The following MDGA2 variants were observed in gnomAD, a reference collection of about 807,000 sequenced individuals.
MDGA2 encodes the protein MAM domain-containing glycosylphosphatidylinositol anchor protein 2.
A neutral mutation model predicts 117.8 loss-of-function variants in MDGA2; 40 were observed. That is an observed-to-expected ratio of 0.34 (90% CI 0.26 to 0.44). MDGA2 has a LOEUF of 0.44. Among genes scored for constraint, MDGA2 ranks in the 20% least tolerant of loss-of-function variants. MDGA2 has a pLI of 1.00. For synonymous variants in MDGA2, 452 were observed against 439.0 expected (o/e 1.03, Z -0.37); for missense variants, 1,123 against 1,250.6 (o/e 0.90, Z 1.54).
At chr14:46,889,749 C>A (rs1882808157) in intron 10 of MDGA2, among the ~76,000 whole-genome samples, 1 of 151,948 alleles carries the variant, frequency 6.6e-6, no homozygotes, top group Non-Finnish European at 1.5e-5. Flanking sequence ...AAAGAAATAC[C>A]AGGCCCCATT....
chr14:47,071,042 A>G (rs1028126801), intron 6 of MDGA2, among the ~76,000 whole-genome samples: 7 of 152,254 alleles, frequency 4.6e-5, no homozygotes, highest in Admixed American at 6.5e-5. Context: ...CAAGCATCCA[A>G]TGTAATTTTT....
At chr14:47,476,650 T>TTA (rs1329509615) in intron 1 of MDGA2, among the ~76,000 whole-genome samples, 1 of 152,100 alleles carries the variant, frequency 6.6e-6, no homozygotes, top group Non-Finnish European at 1.5e-5. Flanking sequence ...TAGCATGAGA[T>TTA]TATATATATT....
chr14:47,051,035 C>A (rs1342784142), intron 7 of MDGA2, among the ~76,000 whole-genome samples: 1 of 151,966 alleles, frequency 6.6e-6, no homozygotes, highest in East Asian at 1.9e-4. Context: ...CCATTTCTTG[C>A]AAGGCCTTTG....
chr14:46,994,465 G>A (rs1887211047), intron 8 of MDGA2, among the ~76,000 whole-genome samples: 1 of 151,846 alleles, frequency 6.6e-6, no homozygotes, highest in Admixed American at 6.6e-5. Context: ...CTCCTGGGCA[G>A]AAGTGCTTGG....
At chr14:47,628,455 G>C (rs985545943) in intron 1 of MDGA2, among the ~76,000 whole-genome samples, 4 of 152,144 alleles carry the variant, frequency 2.6e-5, no homozygotes, top group Non-Finnish European at 5.9e-5. Context: ...TGAATTTAAA[G>C]TCTGTTTCAT....
chr14:47,242,734 A>C (rs1173053401), intron 2 of MDGA2, among the ~76,000 whole-genome samples: 1 of 151,668 alleles, frequency 6.6e-6, no homozygotes, highest in African/African-American at 2.4e-5. Flanking sequence ...CACCCACTCC[A>C]TGGGCCCCTG....
chr14:47,332,851 C>T (rs974697598), intron 1 of MDGA2, among the ~76,000 whole-genome samples: 2 of 151,866 alleles, frequency 1.3e-5, no homozygotes, highest in African/African-American at 4.8e-5. Flanking sequence ...TTATTTTATG[C>T]TCTATGTCCA....
At chr14:47,342,623 C>T (rs1037102304) in intron 1 of MDGA2, among the ~76,000 whole-genome samples, 5 of 152,102 alleles carry the variant, frequency 3.3e-5, no homozygotes, top group Admixed American at 2.0e-4. Context: ...ATATATTTTA[C>T]TAAGAAGAAT....
intron 1 of MDGA2, among the ~76,000 whole-genome samples, chr14:47,627,857 C>T (rs901152610): frequency 5.3e-5 from 8 of 152,198 alleles, no homozygotes; most frequent in Admixed American, 3.3e-4. Flanking sequence ...TGCAGTTTCA[C>T]GCCTGAGCCA....
intron 8 of MDGA2, among the ~76,000 whole-genome samples, chr14:47,024,646 A>G (rs1368114873): frequency 6.6e-6 from 1 of 152,216 alleles, no homozygotes; most frequent in Non-Finnish European, 1.5e-5. Flanking sequence ...ATGAGAAACA[A>G]TATCAAAGAA....
chr14:46,923,624 A>G (rs1283913722), intron 9 of MDGA2, among the ~76,000 whole-genome samples: 1 of 152,122 alleles, frequency 6.6e-6, no homozygotes, highest in Non-Finnish European at 1.5e-5. Context: ...AAATATAGGC[A>G]TGCTTACTTA....
At chr14:46,929,666 TTC>T (rs1403564434) in intron 9 of MDGA2, among the ~76,000 whole-genome samples, 1,423 of 96,352 alleles carry the variant, frequency 0.015, 431 homozygotes, top group African/African-American at 0.068. Flanking sequence ...TTTTTTTTTT[TTC>T]GAGATGGACT....
chr14:47,368,631 T>C (rs1341586783), intron 1 of MDGA2, among the ~76,000 whole-genome samples: 2 of 152,184 alleles, frequency 1.3e-5, no homozygotes, highest in Non-Finnish European at 2.9e-5. Context: ...TATAACTCCA[T>C]TTATTGTATC....
intron 3 of MDGA2, among the ~76,000 whole-genome samples, chr14:47,209,204 C>T (rs1885795477): frequency 6.6e-6 from 1 of 151,926 alleles, no homozygotes; most frequent in Admixed American, 6.6e-5. Context: ...TTCATGTCTC[C>T]AATTATAAGG....
chr14:47,279,572 C>T (rs1049251154), intron 2 of MDGA2, among the ~76,000 whole-genome samples: 1 of 152,016 alleles, frequency 6.6e-6, no homozygotes, highest in South Asian at 2.1e-4. Flanking sequence ...ATTATTACTA[C>T]TTAATGTATT....
intron 1 of MDGA2, among the ~76,000 whole-genome samples, chr14:47,487,402 T>C (rs770332000): frequency 1.5e-4 from 23 of 152,180 alleles, no homozygotes; most frequent in Admixed American, 9.8e-4. Flanking sequence ...TACCAAATAT[T>C]TCTACACCTT....
intron 10 of MDGA2, among the ~76,000 whole-genome samples, chr14:46,892,885 G>A (rs1037756156): frequency 1.3e-5 from 2 of 151,820 alleles, no homozygotes; most frequent in African/African-American, 2.4e-5. Context: ...AGAGATAAAC[G>A]AAACCTCTAC....
At chr14:47,298,707 C>CA (rs1374589114) in intron 2 of MDGA2, among the ~76,000 whole-genome samples, 2 of 122,492 alleles carry the variant, frequency 1.6e-5, no homozygotes, top group Admixed American at 1.0e-4. Context: ...TTTTTTGAGA[C>CA]AGAGTCTCGT....
At chr14:47,610,831 A>G (rs1463375505) in intron 1 of MDGA2, among the ~76,000 whole-genome samples, 1 of 152,040 alleles carries the variant, frequency 6.6e-6, no homozygotes, top group Non-Finnish European at 1.5e-5. Flanking sequence ...ATACCACCAT[A>G]ATTCTTCACA....
Sources: allele counts gnomAD v4.1 joint callset (sites outside exome capture counted in the v4.1 genomes callset), GRCh38; gene constraint gnomAD v4.1.1; transcripts MANE v1.5; gene names NCBI Gene and HGNC (gene_info 2026-07-23, HGNC 2026-07-21).